STXBP3: variants seen among roughly 807,000 people sequenced by gnomAD.
STXBP3 encodes the protein syntaxin-binding protein 3.
STXBP3 carries 41 observed loss-of-function variants against 85.7 expected under a neutral mutation model. The observed-to-expected ratio is 0.48, with a 90% CI of 0.37 to 0.62. The LOEUF is 0.62. STXBP3 is among the 20% of genes least tolerant of loss of function. The pLI is 0.00. For synonymous variants in STXBP3, 229 were observed against 231.7 expected (o/e 0.99, Z 0.10); for missense variants, 563 against 703.1 (o/e 0.80, Z 2.25).
chr1:108,802,414 A>AATTT (rs1328109558), intron 17 of STXBP3, among the ~76,000 whole-genome samples: 3 of 150,346 alleles, frequency 2.0e-5, no homozygotes, highest in East Asian at 2.0e-4. Context: ...TTAATTAATT[A>AATTT]ATTTATTTAT....
chr1:108,760,340 A>G (rs1041900314), intron 6 of STXBP3, among the ~76,000 whole-genome samples: 3 of 152,202 alleles, frequency 2.0e-5, no homozygotes, highest in Admixed American at 1.3e-4. Flanking sequence ...AGGTTATGAA[A>G]TCAAGAGAGT....
rs758336122 is a variant in STXBP3, at chr1:108,772,708, G to T, written c.482G>T (p.Ser161Ile). The T allele has an allele frequency of 8.7e-6, 14 of 1,601,360 alleles. No homozygotes were observed. The highest frequency in any genetic ancestry group is 1.1e-5 in the Non-Finnish European group (13 of 1,173,570). Residue 161 changes from serine (S) to isoleucine (I), a missense_variant, in exon 7 of 19, where the codon AGT becomes ATT. Ser to Ile is a moderately radical substitution (Grantham distance 142). Transcript: ENST00000370008. ...DVPDAFYYCY[S>I]PDPGNAKGKD... ...CCAGATGCATTCTATTACTGTTATAGTCCAGACCCTGGTAATGCAAAGGGA... is the reference window on the plus strand; with the variant it reads ...CCAGATGCATTCTATTACTGTTATATTCCAGACCCTGGTAATGCAAAGGGA...
At chr1:108,776,785 G>A (rs1368803827) in intron 8 of STXBP3, among the ~76,000 whole-genome samples, 1 of 152,122 alleles carries the variant, frequency 6.6e-6, no homozygotes, top group Non-Finnish European at 1.5e-5. Context: ...ATGATTAAAT[G>A]AGTTAATACA....
chr1:108,800,344 T>G, intron 17 of STXBP3, 39 bp downstream of exon 17: 1 of 1,442,356 alleles, frequency 6.9e-7, no homozygotes, highest in East Asian at 2.3e-5. Flanking sequence ...ATTTTCATTC[T>G]ACGGACTAAT....
At chr1:108,786,182 G>T (rs1442212845) in intron 11 of STXBP3, among the ~76,000 whole-genome samples, 1 of 152,192 alleles carries the variant, frequency 6.6e-6, no homozygotes, top group African/African-American at 2.4e-5. Context: ...CCATATGGCT[G>T]CAGAGGCCTC....
chr1:108,750,512 A>G (rs1159555081), intron 1 of STXBP3, among the ~76,000 whole-genome samples: 1 of 152,224 alleles, frequency 6.6e-6, no homozygotes, highest in African/African-American at 2.4e-5. Flanking sequence ...ATGACTATAA[A>G]TAACTGAATT....
chr1:108,782,422 A>G lies in STXBP3; in HGVS notation c.810A>G (p.Lys270=), dbSNP rs761931308. The part of the protein sequence containing the change: ...DLLPIENDTY[K]YKTDGKEKEA... ...TTTTAGTGCTTCTGTCTACTTGTAG[A>G]TATAAAACAGATGGAAAAGAAAAGG... Residue 270 remains lysine, a splice_region_variant and synonymous_variant, in exon 10 of 19, where the codon AAA becomes AAG. Transcript: ENST00000370008. The G allele has an allele frequency of 1.9e-6, 3 of 1,609,502 alleles. No individual in the cohort carries two copies. Among genetic ancestry groups the G allele is most frequent in the Non-Finnish European group, 8.5e-7 (1 of 1,177,562 alleles).
intron 6 of STXBP3, chr1:108,767,371 T>G (rs561816977): frequency 2.5e-4 from 59 of 240,216 alleles, no homozygotes; most frequent in African/African-American, 1.4e-3. Context: ...TGTGAAGTCC[T>G]TAGATCAGTA....
chr1:108,772,710 C>G lies in STXBP3; in HGVS notation c.484C>G (p.Pro162Ala), dbSNP rs1376233037. 1.2e-5 allele frequency: 19 copies of G among 1,601,390 alleles called. No individual in the cohort carries two copies. The highest frequency in any genetic ancestry group is 1.6e-5 in the Non-Finnish European group (19 of 1,173,466). Residue 162 changes from proline to alanine, a missense_variant, in exon 7 of 19, where the codon CCA (proline) becomes GCA (alanine). By Grantham distance (27) the Pro-to-Ala change is conservative (BLOSUM62 -1). Transcript: ENST00000370008. ...VPDAFYYCYS[P>A]DPGNAKGKDA... is the part of the protein sequence containing the mutation. ...AGATGCATTCTATTACTGTTATAGTCCAGACCCTGGTAATGCAAAGGGAAA... is the reference window on the plus strand; with the variant it reads ...AGATGCATTCTATTACTGTTATAGTGCAGACCCTGGTAATGCAAAGGGAAA...
chr1:108,786,273 C>T (rs554009777), intron 11 of STXBP3, among the ~76,000 whole-genome samples: 1 of 152,054 alleles, frequency 6.6e-6, no homozygotes, highest in Non-Finnish European at 1.5e-5. Context: ...AGGAGGAAGC[C>T]CCTTATAAGA....
chr1:108,767,560 T>C (rs6604125), intron 6 of STXBP3: 113,966 of 160,444 alleles, frequency 0.71, 41,521 homozygotes, highest in Non-Finnish European at 0.78. Context: ...TCAAAGAAAA[T>C]GGCCTGCACG....
At position 108,776,271 on chromosome 1, in the gene STXBP3, AT is replaced by A; in HGVS notation, c.594-61del. 2.8e-6 allele frequency: 3 copies of A among 1,067,118 alleles called. No individual in the cohort carries two copies. The South Asian group carries it at 6.5e-5, about 23-fold the overall frequency. 66.1% of individuals were successfully genotyped at this position (1,067,118 alleles called of 1,614,324 possible). ...CAGTTTAATTTTAGAATTAAACTTC[AT>A]GATATTATAAAGTATACACTGAAAG... On this transcript the variant is annotated intron_variant, in intron 7 of 18. Coordinates refer to ENST00000370008, the MANE Select transcript of STXBP3 (RefSeq NM_007269.4).
At chr1:108,796,416 C>T in intron 14 of STXBP3, 44 bp downstream of exon 14, 4 of 1,351,576 alleles carry the variant, frequency 3.0e-6, no homozygotes, top group Non-Finnish European at 4.1e-6. Context: ...TACTATTGAT[C>T]ATAAAAGAAT....
chr1:108,780,627 C>T (rs1399917116), intron 9 of STXBP3: 2 of 150,490 alleles, frequency 1.3e-5, no homozygotes, highest in African/African-American at 2.5e-5. Flanking sequence ...CCTCGGCCTC[C>T]CAAAGTGCTG....
chr1:108,767,269 G>A lies in STXBP3; in HGVS notation c.439-5396G>A, dbSNP rs539087889. 27 of 229,182 alleles carry A rather than the reference G, an allele frequency of 1.2e-4. No homozygotes were observed. The South Asian group carries it at 1.4e-3, about 12-fold the overall frequency. The allele number at this position is 229,182 out of a possible 1,614,324, so 14.2% of individuals were successfully genotyped here. ...CTCACTGACCTTAGTGTCATGTGCTGTAAATGTGTGGTTTTCCAAAGGAGG... is the reference window on the plus strand; with the variant it reads ...CTCACTGACCTTAGTGTCATGTGCTATAAATGTGTGGTTTTCCAAAGGAGG... On this transcript the variant is annotated intron_variant, in intron 6 of 18. Coordinates refer to ENST00000370008, the MANE Select transcript of STXBP3 (RefSeq NM_007269.4).
chr1:108,800,331 G>A (rs1188828589), intron 17 of STXBP3, 26 bp downstream of exon 17: 7 of 1,527,180 alleles, frequency 4.6e-6, no homozygotes, highest in Admixed American at 1.7e-5. Flanking sequence ...GAAAATCAAT[G>A]AAATTTTCAT....
chr1:108,785,965 T>C lies in STXBP3; in HGVS notation c.963+3259T>C, dbSNP rs555753415. Among the ~76,000 whole-genome samples the C allele has an allele frequency of 2.6e-5, 4 of 152,318 alleles. No homozygotes were observed. In the South Asian group the frequency reaches 8.3e-4, roughly 32 times the overall value. On this transcript the variant is annotated intron_variant, in intron 11 of 18. Coordinates refer to ENST00000370008, the MANE Select transcript of STXBP3 (RefSeq NM_007269.4). ...CAAGTTTCTAGGAAGTTCCAAACTT[T>C]CCCACATTTTCCTGTCTTCTTCTGA...
chr1:108,761,454 T>C (rs1662140569), intron 6 of STXBP3, among the ~76,000 whole-genome samples: 1 of 152,204 alleles, frequency 6.6e-6, no homozygotes, highest in African/African-American at 2.4e-5. Flanking sequence ...CCAGAATTTA[T>C]TAAAATTCTG....
intron 1 of STXBP3, among the ~76,000 whole-genome samples, chr1:108,748,213 CA>C (rs1220687937): frequency 6.6e-6 from 1 of 151,900 alleles, no homozygotes; most frequent in Non-Finnish European, 1.5e-5. Flanking sequence ...CTTGAGGTGG[CA>C]AAAAATTTTG....
Sources: gnomAD v4.1 joint callset for allele counts (sites outside exome capture counted in the v4.1 genomes callset) on GRCh38, gnomAD v4.1.1 for gene constraint, MANE v1.5 for transcripts, NCBI Gene and HGNC (gene_info 2026-07-23, HGNC 2026-07-21) for gene names.